BRD10: variants seen among roughly 807,000 people sequenced by gnomAD.
BRD10 encodes uncharacterized bromodomain-containing protein 10.
At chr9:5,919,306 C>G in the BRD10 span, 1 of 160,094 alleles carries the variant, frequency 6.2e-6, no homozygotes, top group Non-Finnish European at 1.4e-5. Flanking sequence ...AATACCATAT[C>G]ATAGATATGC....
the BRD10 span, among the ~76,000 whole-genome samples, chr9:5,984,641 G>C: frequency 2.6e-4 from 39 of 152,080 alleles, no homozygotes; most frequent in African/African-American, 8.9e-4. Context: ...ACAAAACTCA[G>C]AGAAGACAAA....
At chr9:5,967,758 A>G in the BRD10 span, among the ~76,000 whole-genome samples, 2 of 151,492 alleles carry the variant, frequency 1.3e-5, no homozygotes, top group African/African-American at 2.4e-5. Flanking sequence ...AGAGAAAGGT[A>G]AAAACATAAT....
the BRD10 span, chr9:5,988,417 C>T: frequency 1.2e-6 from 2 of 1,613,974 alleles, no homozygotes; most frequent in Non-Finnish European, 1.7e-6. Context: ...AAAAACTCCA[C>T]TTGTCAAGCC....
the BRD10 span, chr9:6,007,600 A>G: frequency 6.2e-7 from 1 of 1,606,954 alleles, no homozygotes; most frequent in Non-Finnish European, 8.5e-7. Flanking sequence ...TCCGATCACC[A>G]TCGCCTCCAT....
chr9:5,893,720 T>C, the BRD10 span, among the ~76,000 whole-genome samples: 1 of 151,978 alleles, frequency 6.6e-6, no homozygotes, highest in Non-Finnish European at 1.5e-5. Flanking sequence ...AATTCAAGAG[T>C]AAAGAGTTCA....
chr9:5,952,688 T>A, the BRD10 span, among the ~76,000 whole-genome samples: 1 of 152,180 alleles, frequency 6.6e-6, no homozygotes, highest in Admixed American at 6.5e-5. Flanking sequence ...GAGGAAATAT[T>A]AACAATGGGC....
chr9:5,879,096 G>C, the BRD10 span, among the ~76,000 whole-genome samples: 2 of 152,288 alleles, frequency 1.3e-5, no homozygotes, highest in East Asian at 3.9e-4. Flanking sequence ...CAGTAGAGCT[G>C]ATGCTGGCTG....
At chr9:6,003,568 G>A in the BRD10 span, among the ~76,000 whole-genome samples, 18 of 152,054 alleles carry the variant, frequency 1.2e-4, no homozygotes, top group African/African-American at 4.1e-4. Context: ...ATAGCAATGC[G>A]TGGTCAAAAC....
At chr9:6,001,831 A>T in the BRD10 span, among the ~76,000 whole-genome samples, 1 of 152,212 alleles carries the variant, frequency 6.6e-6, no homozygotes, top group South Asian at 2.1e-4. Context: ...GGTAGTATAC[A>T]TCCTCAAAGT....
chr9:5,966,079 AC>A, the BRD10 span, among the ~76,000 whole-genome samples: 6 of 152,204 alleles, frequency 3.9e-5, no homozygotes, highest in Non-Finnish European at 7.3e-5. Context: ...TTAAGATCTG[AC>A]TTCCTAAAAT....
chr9:5,978,232 G>A, the BRD10 span, among the ~76,000 whole-genome samples: 2 of 151,804 alleles, frequency 1.3e-5, no homozygotes, highest in Admixed American at 6.6e-5. Flanking sequence ...AGCCATGCAC[G>A]ATTTGGCAAA....
chr9:5,964,096 A>C, the BRD10 span, among the ~76,000 whole-genome samples: 1 of 152,102 alleles, frequency 6.6e-6, no homozygotes, highest in Admixed American at 6.6e-5. Flanking sequence ...AGCAAAAGAA[A>C]CTACCATCAG....
chr9:5,960,453 TTG>T, the BRD10 span, among the ~76,000 whole-genome samples: 1 of 151,748 alleles, frequency 6.6e-6, no homozygotes, highest in African/African-American at 2.4e-5. Context: ...TCCCAGCTAC[TTG>T]GGAGGCTGAG....
the BRD10 span, chr9:5,922,550 AAAG>A: frequency 4.3e-6 from 7 of 1,613,882 alleles, no homozygotes; most frequent in Admixed American, 1.7e-5. Flanking sequence ...AACTGATGCT[AAAG>A]AAGAATTTAT....
At chr9:5,904,662 G>A in the BRD10 span, among the ~76,000 whole-genome samples, 5 of 152,054 alleles carry the variant, frequency 3.3e-5, no homozygotes, top group South Asian at 2.1e-4. Context: ...TAGTAGAGAC[G>A]GGGTTTCATC....
chr9:5,971,368 T>C, the BRD10 span, among the ~76,000 whole-genome samples: 11 of 152,170 alleles, frequency 7.2e-5, no homozygotes, highest in Non-Finnish European at 1.5e-4. Context: ...TACTCCTAGG[T>C]ATATGCCCAA....
chr9:5,953,950 TC>T, the BRD10 span: 1 of 872,704 alleles, frequency 1.1e-6, no homozygotes, highest in Non-Finnish European at 1.8e-6. Flanking sequence ...AGCCAAACTC[TC>T]GAGGAATGAT....
the BRD10 span, among the ~76,000 whole-genome samples, chr9:5,978,188 A>C: frequency 6.6e-6 from 1 of 152,144 alleles, no homozygotes; most frequent in Non-Finnish European, 1.5e-5. Flanking sequence ...TTACTCTGTG[A>C]AATACTAATA....
At chr9:5,944,984 G>A in the BRD10 span, 1 of 1,240,102 alleles carries the variant, frequency 8.1e-7, no homozygotes, top group Admixed American at 2.3e-5. Context: ...CAAAAACACA[G>A]CTTGATAACA....
Sources: allele counts gnomAD v4.1 joint callset (sites outside exome capture counted in the v4.1 genomes callset), GRCh38; gene constraint gnomAD v4.1.1; transcripts MANE v1.5; gene names NCBI Gene and HGNC (gene_info 2026-07-23, HGNC 2026-07-21).